Variants in PTPRM observed in about 807,000 individuals in gnomAD.
PTPRM encodes the protein protein tyrosine phosphatase receptor type M.
Under a neutral mutation model 186.7 loss-of-function variants are expected in PTPRM, and 47 were observed. The observed-to-expected ratio is 0.25, with a 90% CI of 0.20 to 0.32. The LOEUF is 0.32. PTPRM is among the 10% of genes least tolerant of loss of function. The probability of loss-of-function intolerance (pLI) is 1.00; values close to 1 mark genes in which losing one functional copy is unlikely to be tolerated. For missense variants in PTPRM, 1,494 were observed against 1,865.0 expected (o/e 0.80, Z 3.66); for synonymous variants, 668 against 674.9 (o/e 0.99, Z 0.16).
chr18:8,235,744 C>T (rs1285293172), intron 14 of PTPRM, among the ~76,000 whole-genome samples: 2 of 152,068 alleles, frequency 1.3e-5, no homozygotes, highest in African/African-American at 4.8e-5. Context: ...TCTTTTGCTA[C>T]ATACCACAAA....
Position 8,263,731 on chromosome 18 carries a change from C to G in PTPRM, c.2754+10317C>G, listed in dbSNP as rs1233194513. Among the ~76,000 whole-genome samples, 3 of 152,108 alleles carry G rather than the reference C, an allele frequency of 2.0e-5. No individual in the cohort carries two copies. The South Asian group carries it at 6.2e-4, about 32-fold the overall frequency. On this transcript the variant is annotated intron_variant, in intron 19 of 32. Coordinates refer to ENST00000580170, the MANE Select transcript of PTPRM (RefSeq NM_001105244.2). ...CTAGAGATCACACTCTCTAAAAACT[C>G]GAACAAGCTGTGATGAGCTTCTGGG...
intron 4 of PTPRM, among the ~76,000 whole-genome samples, chr18:7,920,708 T>A (rs2050811728): frequency 6.6e-6 from 1 of 152,226 alleles, no homozygotes; most frequent in Non-Finnish European, 1.5e-5. Context: ...TACTTTTACA[T>A]GTTTTCTTGT....
At chr18:8,179,765 G>T (rs2093547478) in intron 14 of PTPRM, among the ~76,000 whole-genome samples, 1 of 151,936 alleles carries the variant, frequency 6.6e-6, no homozygotes, top group South Asian at 2.1e-4. Flanking sequence ...ACTGTGCCCG[G>T]CCTAAATATC....
intron 1 of PTPRM, among the ~76,000 whole-genome samples, chr18:7,727,342 T>C (rs941604659): frequency 2.6e-5 from 4 of 152,222 alleles, no homozygotes; most frequent in Non-Finnish European, 4.4e-5. Flanking sequence ...TATTTTCTCA[T>C]CAAGCAGATG....
intron 1 of PTPRM, among the ~76,000 whole-genome samples, chr18:7,622,716 C>T (rs1351882261): frequency 6.6e-6 from 1 of 152,104 alleles, no homozygotes; most frequent in Admixed American, 6.5e-5. Context: ...AAATGACGTC[C>T]CTGCTGAAGT....
At chr18:7,694,642 GTCTTGA>G (rs1224554225) in intron 1 of PTPRM, among the ~76,000 whole-genome samples, 1 of 151,266 alleles carries the variant, frequency 6.6e-6, no homozygotes, top group East Asian at 2.0e-4. Context: ...GTCCAGGCTG[GTCTTGA>G]ACCCCTGACC....
intron 1 of PTPRM, among the ~76,000 whole-genome samples, chr18:7,598,627 G>A (rs2037324018): frequency 2.0e-5 from 3 of 152,128 alleles, no homozygotes; most frequent in Admixed American, 2.0e-4. Context: ...TGTATTAATA[G>A]TATTGTTGAT....
At chr18:8,140,463 G>A (rs1375193252) in intron 13 of PTPRM, among the ~76,000 whole-genome samples, 1 of 149,430 alleles carries the variant, frequency 6.7e-6, no homozygotes, top group Non-Finnish European at 1.5e-5. Flanking sequence ...TTGTTTGTTT[G>A]TTTGTTTTAC....
chr18:7,966,353 C>A (rs925494374), intron 7 of PTPRM, among the ~76,000 whole-genome samples: 3 of 152,272 alleles, frequency 2.0e-5, no homozygotes, highest in South Asian at 2.1e-4. Context: ...GTAAAATATT[C>A]CCATTGACCA....
At chr18:8,044,187 T>A (rs181287855) in intron 7 of PTPRM, among the ~76,000 whole-genome samples, 5 of 152,180 alleles carry the variant, frequency 3.3e-5, no homozygotes, top group African/African-American at 1.2e-4. Flanking sequence ...AGAGAGCTCA[T>A]TGGGGCCTGA....
chr18:7,960,119 A>C (rs2053564150), intron 7 of PTPRM, among the ~76,000 whole-genome samples: 1 of 151,962 alleles, frequency 6.6e-6, no homozygotes, highest in Non-Finnish European at 1.5e-5. Context: ...ACTTCTTTTT[A>C]TGTATTCTGG....
intron 1 of PTPRM, among the ~76,000 whole-genome samples, chr18:7,622,324 T>C (rs1475106094): frequency 6.6e-6 from 1 of 152,116 alleles, no homozygotes; most frequent in African/African-American, 2.4e-5. Context: ...TTCTAGCTAC[T>C]TCCTCTACCC....
chr18:7,598,130 A>G (rs2037312288), intron 1 of PTPRM, among the ~76,000 whole-genome samples: 2 of 152,248 alleles, frequency 1.3e-5, no homozygotes, highest in South Asian at 4.1e-4. Context: ...ATTTAAAACT[A>G]CAACAAAGTA....
chr18:8,038,367 A>C (rs1161634906), intron 7 of PTPRM, among the ~76,000 whole-genome samples: 1 of 148,380 alleles, frequency 6.7e-6, no homozygotes, highest in Non-Finnish European at 1.5e-5. Context: ...TTTTTTCCTC[A>C]ATTAGCTTTT....
At chr18:7,651,154 C>G (rs1349340393) in intron 1 of PTPRM, among the ~76,000 whole-genome samples, 2 of 151,784 alleles carry the variant, frequency 1.3e-5, no homozygotes, top group African/African-American at 4.8e-5. Context: ...AACTCCTGAC[C>G]TCAGGTGATT....
chr18:7,850,936 C>T (rs1322647604), intron 2 of PTPRM, among the ~76,000 whole-genome samples: 1 of 152,000 alleles, frequency 6.6e-6, no homozygotes, highest in East Asian at 1.9e-4. Flanking sequence ...TATTTAACTT[C>T]AATATAACAT....
intron 14 of PTPRM, among the ~76,000 whole-genome samples, chr18:8,233,747 C>G (rs1408696920): frequency 6.6e-6 from 1 of 151,994 alleles, no homozygotes; most frequent in African/African-American, 2.4e-5. Context: ...AGATTTTCTC[C>G]TATGTTATCT....
intron 7 of PTPRM, among the ~76,000 whole-genome samples, chr18:8,005,589 G>A (rs2084131592): frequency 6.6e-6 from 1 of 152,092 alleles, no homozygotes. Flanking sequence ...CGAGTGAATA[G>A]CAGGGCCCAG....
chr18:7,751,021 C>G (rs1392768861), intron 1 of PTPRM: 1 of 148,500 alleles, frequency 6.7e-6, no homozygotes, highest in South Asian at 2.2e-4. Flanking sequence ...TTCACTTACC[C>G]CAGTGAGATG....
Sources: gnomAD v4.1 joint callset for allele counts (sites outside exome capture counted in the v4.1 genomes callset) on GRCh38, gnomAD v4.1.1 for gene constraint, MANE v1.5 for transcripts, NCBI Gene and HGNC (gene_info 2026-07-23, HGNC 2026-07-21) for gene names.